The following CCNY variants were observed in gnomAD, a reference collection of about 807,000 sequenced individuals.
CCNY encodes cyclin-Y.
In CCNY, 19 loss-of-function variants were observed where a neutral mutation model predicts 42.8. That is an observed-to-expected ratio of 0.44 (90% confidence interval 0.31 to 0.65). CCNY has a LOEUF of 0.65. Ranked by LOEUF, CCNY falls within the 30% of genes least tolerant of loss-of-function variation. The pLI, the probability that CCNY is intolerant of heterozygous loss-of-function variation, is 0.07. For missense variants in CCNY, 370 were observed against 437.3 expected (o/e 0.85, Z 1.37); for synonymous variants, 165 against 162.7 (o/e 1.01, Z -0.11).
intron 1 of CCNY, among the ~76,000 whole-genome samples, chr10:35,453,119 T>C (rs1340385149): frequency 6.6e-6 from 1 of 152,232 alleles, no homozygotes; most frequent in East Asian, 1.9e-4. Flanking sequence ...AATTTTTTCA[T>C]AGAGATAGGG....
At position 35,569,354 on chromosome 10, in the gene CCNY, A is replaced by ATCCCAGCTCGCTC; in HGVS notation, c.*189_*201dup. 1.7e-6 allele frequency: 1 copy of ATCCCAGCTCGCTC among 586,672 alleles called. No homozygotes were observed. The highest frequency in any genetic ancestry group is 2.1e-5 in the South Asian group (1 of 48,354). The allele number at this position is 586,672 out of a possible 1,614,324, so 36.3% of individuals were successfully genotyped here. On this transcript the variant is annotated 3_prime_UTR_variant, in exon 10 of 10. Coordinates refer to ENST00000374704, the MANE Select transcript of CCNY (RefSeq NM_145012.6). ...TGGAGGAAGCGTCAGTGCCCTGGAG[A>ATCCCAGCTCGCTC]TCCCAGCTCGCTCTCCCCACTGTCA...
chr10:35,384,516 A>T (rs1359744228), intron 1 of CCNY, among the ~76,000 whole-genome samples: 1 of 152,250 alleles, frequency 6.6e-6, no homozygotes, highest in African/African-American at 2.4e-5. Context: ...AGCATCTTGC[A>T]TGACTTAGCT....
chr10:35,333,508 T>C (rs888528390), upstream of CCNY, among the ~76,000 whole-genome samples: 1 of 152,140 alleles, frequency 6.6e-6, no homozygotes. Flanking sequence ...GTGACACTTG[T>C]TTTTTTACTC....
chr10:35,288,564 C>T (rs1461199045), intron 3 of CCNY, among the ~76,000 whole-genome samples: 1 of 151,936 alleles, frequency 6.6e-6, no homozygotes, highest in Non-Finnish European at 1.5e-5. Flanking sequence ...TTTGCCTATC[C>T]CAAGGTTGTA....
chr10:35,541,720 G>A (rs1353906381), intron 7 of CCNY, among the ~76,000 whole-genome samples: 2 of 151,974 alleles, frequency 1.3e-5, no homozygotes, highest in Admixed American at 1.3e-4. Context: ...ATTAACTGAA[G>A]TTCATTTTTA....
At chr10:35,418,885 A>G (rs988602607) in intron 1 of CCNY, among the ~76,000 whole-genome samples, 1 of 151,590 alleles carries the variant, frequency 6.6e-6, no homozygotes, top group African/African-American at 2.4e-5. Flanking sequence ...CAGTGGCGCT[A>G]TCTCTGCTCA....
chr10:35,524,109 A>G (rs559158974), intron 4 of CCNY, among the ~76,000 whole-genome samples: 9 of 152,342 alleles, frequency 5.9e-5, no homozygotes, highest in Admixed American at 5.2e-4. Context: ...AGAAGGGCAC[A>G]CAGCCTTATA....
chr10:35,478,803 C>T (rs1319411125), intron 1 of CCNY, among the ~76,000 whole-genome samples: 1 of 152,152 alleles, frequency 6.6e-6, no homozygotes. Context: ...TCTAATTAAA[C>T]TAAAGAGCTT....
intron 3 of CCNY, among the ~76,000 whole-genome samples, chr10:35,258,933 T>TAAA (rs56328003): frequency 7.4e-6 from 1 of 135,738 alleles, no homozygotes; most frequent in African/African-American, 2.7e-5. Context: ...GAGACTGTCT[T>TAAA]AAAAAAAAAA....
intron 1 of CCNY, among the ~76,000 whole-genome samples, chr10:35,471,790 A>C (rs11591533): frequency 0.21 from 31,426 of 152,176 alleles, 3,946 homozygotes; most frequent in East Asian, 0.33. Context: ...AAATAGGCTA[A>C]GACTCTGCTT....
At chr10:35,306,029 A>G (rs898388370) in intron 3 of CCNY, among the ~76,000 whole-genome samples, 2 of 152,030 alleles carry the variant, frequency 1.3e-5, no homozygotes, top group African/African-American at 4.8e-5. Flanking sequence ...TTCATGTTTC[A>G]TATGCCATTT....
intron 1 of CCNY, among the ~76,000 whole-genome samples, chr10:35,423,191 T>A (rs1838194995): frequency 6.6e-6 from 1 of 152,112 alleles, no homozygotes; most frequent in African/African-American, 2.4e-5. Flanking sequence ...TTAAAAATTT[T>A]CGGCCAGGTG....
intron 5 of CCNY, among the ~76,000 whole-genome samples, chr10:35,527,045 T>C (rs1442128112): frequency 6.6e-6 from 1 of 151,822 alleles, no homozygotes; most frequent in Non-Finnish European, 1.5e-5. Context: ...TGACAGCTTC[T>C]AATGAACAGT....
At position 35,509,969 on chromosome 10, in the gene CCNY, C is replaced by G. The variant is rs1472470105; in HGVS notation, c.265-6554C>G. On this transcript the variant is annotated intron_variant, in intron 3 of 9. Transcript: ENST00000374704. ...GGTGTGATCCTGCAACCCAGCCTCC[C>G]CTCCACTTCTGCACTCCAGCAGGCC... 2.0e-5 allele frequency among the ~76,000 whole-genome samples: 3 copies of G among 152,160 alleles called. No individual in the cohort carries two copies. In the East Asian group the frequency reaches 5.8e-4, roughly 29 times the overall value.
chr10:35,536,160 T>A (rs1393775145), intron 7 of CCNY, among the ~76,000 whole-genome samples: 1 of 152,160 alleles, frequency 6.6e-6, no homozygotes, highest in African/African-American at 2.4e-5. Flanking sequence ...CATACTGTTC[T>A]TGTGGTAGTG....
intron 1 of CCNY, among the ~76,000 whole-genome samples, chr10:35,373,762 C>T (rs1836989813): frequency 6.6e-6 from 1 of 150,844 alleles, no homozygotes; most frequent in African/African-American, 2.4e-5. Flanking sequence ...ATAGTATATA[C>T]ATATACAAAA....
chr10:35,473,495 G>A (rs1168534501), intron 1 of CCNY, among the ~76,000 whole-genome samples: 1 of 152,172 alleles, frequency 6.6e-6, no homozygotes, highest in Non-Finnish European at 1.5e-5. Context: ...CTGCAAAGGC[G>A]GGTCTAAGGG....
At position 35,430,063 on chromosome 10, in the gene CCNY, C is replaced by T. The variant is rs115697003; in HGVS notation, c.155-53341C>T. On this transcript the variant is annotated intron_variant, in intron 1 of 9. Coordinates refer to ENST00000374704, the MANE Select transcript of CCNY (RefSeq NM_145012.6). ...AAAAAAAAAGTGATGAGATGCCGGG[C>T]GCGGTGGCTCACGCCTGTAATCCCA... is the stretch of plus-strand genomic sequence containing the variant. 4.6e-3 allele frequency among the ~76,000 whole-genome samples: 700 copies of T among 151,998 alleles called. 7 individuals are homozygous for T. The highest frequency in any genetic ancestry group is 0.016 in the African/African-American group (678 of 41,468).
intron 1 of CCNY, among the ~76,000 whole-genome samples, chr10:35,438,854 C>T (rs142298992): frequency 2.0e-5 from 3 of 152,302 alleles, no homozygotes; most frequent in African/African-American, 7.2e-5. Flanking sequence ...GGTAGGTCTG[C>T]TGGTGACAGT....
Sources: gnomAD v4.1 joint callset for allele counts (sites outside exome capture counted in the v4.1 genomes callset) on GRCh38, gnomAD v4.1.1 for gene constraint, MANE v1.5 for transcripts, NCBI Gene and HGNC (gene_info 2026-07-23, HGNC 2026-07-21) for gene names.